Variants in GRID2 observed in about 807,000 individuals in gnomAD.
GRID2 encodes the protein glutamate receptor ionotropic, delta-2.
GRID2 carries 33 observed loss-of-function variants against 114.8 expected under a neutral mutation model. The ratio of observed to expected loss-of-function variants is 0.29; its 90% CI spans 0.22 to 0.38. GRID2 has a LOEUF of 0.38. Among genes scored for constraint, GRID2 ranks in the 10% least tolerant of loss-of-function variants. The probability of loss-of-function intolerance (pLI) is 1.00; values close to 1 mark genes in which losing one functional copy is unlikely to be tolerated. For synonymous variants in GRID2, 505 were observed against 449.9 expected (o/e 1.12, Z -1.55); for missense variants, 1,184 against 1,257.7 (o/e 0.94, Z 0.89).
At chr4:93,069,241 T>C (rs940409279) in intron 2 of GRID2, among the ~76,000 whole-genome samples, 8 of 147,702 alleles carry the variant, frequency 5.4e-5, no homozygotes, top group Non-Finnish European at 1.0e-4. Context: ...TATTAATATA[T>C]AATTATATAT....
At chr4:93,304,059 A>G (rs1162576778) in intron 8 of GRID2, among the ~76,000 whole-genome samples, 5 of 151,652 alleles carry the variant, frequency 3.3e-5, no homozygotes, top group Non-Finnish European at 1.5e-5. Context: ...AATATTTTAA[A>G]AAGTACTTTA....
intron 12 of GRID2, among the ~76,000 whole-genome samples, chr4:93,506,918 C>T (rs762554420): frequency 2.6e-5 from 4 of 152,186 alleles, no homozygotes; most frequent in Non-Finnish European, 4.4e-5. Context: ...GGTGCTGGTA[C>T]ATTCCTTCAT....
Position 93,588,567 on chromosome 4 carries a change from A to G in GRID2, c.2194-37702A>G, listed in dbSNP as rs141275272. Among the ~76,000 whole-genome samples, 588 of 152,252 alleles carry G rather than the reference A, an allele frequency of 3.9e-3. 2 individuals are homozygous for G. The highest frequency in any genetic ancestry group is 0.014 in the African/African-American group (564 of 41,570). On this transcript the variant is annotated intron_variant, in intron 13 of 15. Transcript: ENST00000282020. ...GCATCAAATCTCAGTATTATTGTCT[A>G]TGTTTTTCTGTTGCCATCAGCTAAT... is the stretch of plus-strand genomic sequence containing the variant.
intron 3 of GRID2, among the ~76,000 whole-genome samples, chr4:93,096,363 G>A (rs372996020): frequency 4.6e-5 from 7 of 151,860 alleles, no homozygotes; most frequent in Non-Finnish European, 8.8e-5. Flanking sequence ...AAATTAAAAC[G>A]TTCTGCTCAT....
chr4:92,364,576 G>A (rs1469757832), intron 1 of GRID2, among the ~76,000 whole-genome samples: 1 of 151,554 alleles, frequency 6.6e-6, no homozygotes, highest in African/African-American at 2.4e-5. Context: ...TTTTCATTGA[G>A]GAGAGGTCTA....
chr4:92,489,862 A>G (rs1363039962), intron 1 of GRID2, among the ~76,000 whole-genome samples: 1 of 151,510 alleles, frequency 6.6e-6, no homozygotes, highest in Non-Finnish European at 1.5e-5. Flanking sequence ...AAAAAAAAAA[A>G]GTAAATGATT....
chr4:92,915,198 C>G (rs1384751481), intron 2 of GRID2, among the ~76,000 whole-genome samples: 1 of 152,110 alleles, frequency 6.6e-6, no homozygotes, highest in African/African-American at 2.4e-5. Context: ...GAAACCGCCC[C>G]CATTATTCAG....
In GRID2 at chr4:92,939,541, T is replaced by C. The variant is rs1057409033; in HGVS notation, c.245-145454T>C. Among the ~76,000 whole-genome samples the C allele has an allele frequency of 1.1e-4, 16 of 147,544 alleles. 1 individual carries two copies. The highest frequency in any genetic ancestry group is 3.9e-4 in the African/African-American group (16 of 41,260). On this transcript the variant is annotated intron_variant, in intron 2 of 15. Coordinates refer to ENST00000282020, the MANE Select transcript of GRID2 (RefSeq NM_001510.4). Reference sequence around the variant, plus strand: ...CCCTGTTCACTCTGATAGTAGTTTCTGTTGCTGTGCAGAAGCTCTTTAGTT... The same window carrying C: ...CCCTGTTCACTCTGATAGTAGTTTCCGTTGCTGTGCAGAAGCTCTTTAGTT...
intron 2 of GRID2, among the ~76,000 whole-genome samples, chr4:92,937,051 T>G (rs1750729240): frequency 6.8e-6 from 1 of 146,590 alleles, no homozygotes. Context: ...GTTGTTGACT[T>G]GTGAAAGTTC....
intron 2 of GRID2, among the ~76,000 whole-genome samples, chr4:92,734,617 G>C (rs999162321): frequency 2.6e-5 from 4 of 151,722 alleles, no homozygotes; most frequent in Non-Finnish European, 1.5e-5. Flanking sequence ...TTTCTAAAGA[G>C]GAAACTTGAC....
intron 2 of GRID2, among the ~76,000 whole-genome samples, chr4:92,661,002 A>G (rs1451658920): frequency 6.6e-6 from 1 of 150,950 alleles, no homozygotes; most frequent in Non-Finnish European, 1.5e-5. Flanking sequence ...CTTCTGAGAT[A>G]AAAATATTTC....
intron 13 of GRID2, among the ~76,000 whole-genome samples, chr4:93,622,772 C>CTTT (rs1742327756): frequency 6.6e-6 from 1 of 152,124 alleles, no homozygotes; most frequent in South Asian, 2.1e-4. Context: ...TCATACAAAA[C>CTTT]TTTTTATTGG....
At chr4:93,106,495 C>A (rs1284926427) in intron 3 of GRID2, among the ~76,000 whole-genome samples, 2 of 152,144 alleles carry the variant, frequency 1.3e-5, no homozygotes, top group East Asian at 3.9e-4. Flanking sequence ...GACGAGCATG[C>A]ACCACCACAC....
At chr4:93,506,177 A>G (rs1728608532) in intron 12 of GRID2, among the ~76,000 whole-genome samples, 1 of 152,204 alleles carries the variant, frequency 6.6e-6, no homozygotes, top group Non-Finnish European at 1.5e-5. Flanking sequence ...TCTACTTTAC[A>G]TAAACTTACA....
chr4:93,320,156 A>G (rs1041579145), intron 8 of GRID2, among the ~76,000 whole-genome samples: 1 of 152,188 alleles, frequency 6.6e-6, no homozygotes, highest in African/African-American at 2.4e-5. Context: ...ATTAAGTCTT[A>G]AATCAATTGT....
chr4:92,311,035 G>GT (rs954312411), intron 1 of GRID2, among the ~76,000 whole-genome samples: 3 of 152,116 alleles, frequency 2.0e-5, no homozygotes, highest in Admixed American at 6.5e-5. Flanking sequence ...AGCTGGATTT[G>GT]TTTTTTGTTT....
At chr4:93,272,328 A>T (rs1486621978) in intron 8 of GRID2, among the ~76,000 whole-genome samples, 1 of 152,206 alleles carries the variant, frequency 6.6e-6, no homozygotes, top group East Asian at 1.9e-4. Context: ...TAAATATGGC[A>T]TGTTAAGACA....
chr4:93,265,353 T>C (rs529883562), intron 8 of GRID2, among the ~76,000 whole-genome samples: 4 of 152,210 alleles, frequency 2.6e-5, no homozygotes, highest in Non-Finnish European at 4.4e-5. Flanking sequence ...AATTCTTTAC[T>C]TCCTAATCTC....
intron 4 of GRID2, among the ~76,000 whole-genome samples, chr4:93,172,778 A>G (rs1368570520): frequency 1.3e-5 from 2 of 152,190 alleles, no homozygotes; most frequent in South Asian, 2.1e-4. Context: ...AGATAAAGAG[A>G]AACTTTAATT....
Sources: allele counts gnomAD v4.1 joint callset (sites outside exome capture counted in the v4.1 genomes callset), GRCh38; gene constraint gnomAD v4.1.1; transcripts MANE v1.5; gene names NCBI Gene and HGNC (gene_info 2026-07-23, HGNC 2026-07-21).